The following RYR3 variants were observed in gnomAD, a reference collection of about 807,000 sequenced individuals.
RYR3 encodes the protein brain ryanodine receptor-calcium release channel.
RYR3 carries 207 observed loss-of-function variants against 584.3 expected under a neutral mutation model. The observed-to-expected ratio is 0.35, with a 90% CI of 0.32 to 0.40. The LOEUF (loss-of-function observed/expected upper bound fraction) is 0.40. Among genes scored for constraint, RYR3 ranks in the 10% least tolerant of loss-of-function variants. The pLI is 1.00. For synonymous variants in RYR3, 2,416 were observed against 2,248.5 expected, an observed-to-expected ratio of 1.07 and a Z score of -2.11; for missense variants, 5,616 against 6,089.2, an observed-to-expected ratio of 0.92 and a Z score of 2.59.
chr15:33,687,899 G>T (rs1055754100), intron 38 of RYR3, among the ~76,000 whole-genome samples: 56 of 152,088 alleles, frequency 3.7e-4, no homozygotes, highest in African/African-American at 1.3e-3. Flanking sequence ...TTACACCTTA[G>T]ACAAAAATCA....
intron 28 of RYR3, 82 bp downstream of exon 28, chr15:33,644,601 C>A: frequency 2.0e-6 from 2 of 1,022,424 alleles, no homozygotes; most frequent in Non-Finnish European, 3.0e-6. Flanking sequence ...TGTCAACAGG[C>A]AGCTGCTTAC....
At chr15:33,433,431 C>T (rs763246269) in intron 1 of RYR3, among the ~76,000 whole-genome samples, 13 of 151,902 alleles carry the variant, frequency 8.6e-5, no homozygotes, top group South Asian at 4.1e-4. Flanking sequence ...GTACATATTA[C>T]GTTCACTAAA....
intron 38 of RYR3, 146 bp from the exon 39 acceptor site, chr15:33,696,072 G>A (rs909703723): frequency 2.4e-5 from 16 of 659,096 alleles, no homozygotes; most frequent in Non-Finnish European, 3.5e-5. Flanking sequence ...TAGGATTATA[G>A]GCATGAGCCA....
chr15:33,597,635 T>A, intron 16 of RYR3, among the ~76,000 whole-genome samples: 1 of 138,312 alleles, frequency 7.2e-6, no homozygotes. Flanking sequence ...AAAAAAAAGA[T>A]TTTACTTAAG....
chr15:33,826,343 A>C, intron 83 of RYR3, 74 bp downstream of exon 83: 1 of 1,469,452 alleles, frequency 6.8e-7, no homozygotes, highest in East Asian at 2.3e-5. Flanking sequence ...GCCTCAGCAC[A>C]GAAACATTTT....
rs952801021 is a variant in RYR3, at chr15:33,411,866, G to T, written c.52-61553G>T. Reference sequence around the variant, plus strand: ...GCAAGCCTCAAGAAAATAGGGATAAGACTGTCAGACACTTGGCAAGGGTCT... The same window carrying T: ...GCAAGCCTCAAGAAAATAGGGATAATACTGTCAGACACTTGGCAAGGGTCT... On this transcript the variant is annotated intron_variant, in intron 1 of 103. Coordinates refer to ENST00000634891, the MANE Select transcript of RYR3 (RefSeq NM_001036.6). Among the ~76,000 whole-genome samples, 5 of 152,288 alleles carry T rather than the reference G, an allele frequency of 3.3e-5. No individual in the cohort carries two copies. In the East Asian group the frequency reaches 9.6e-4, roughly 29 times the overall value.
At chr15:33,503,222 T>G (rs560875303) in intron 2 of RYR3, among the ~76,000 whole-genome samples, 1 of 152,342 alleles carries the variant, frequency 6.6e-6, no homozygotes, top group South Asian at 2.1e-4. Context: ...CACTACTGTC[T>G]AGAGCCACAT....
intron 1 of RYR3, among the ~76,000 whole-genome samples, chr15:33,340,241 C>G (rs1971659166): frequency 6.6e-6 from 1 of 152,196 alleles, no homozygotes; most frequent in South Asian, 2.1e-4. Flanking sequence ...GTTAGGAGAA[C>G]TTACCTTTTG....
At chr15:33,316,016 A>G (rs1412543328) in intron 1 of RYR3, among the ~76,000 whole-genome samples, 1 of 152,222 alleles carries the variant, frequency 6.6e-6, no homozygotes, top group Non-Finnish European at 1.5e-5. Flanking sequence ...TAAGCAAGGA[A>G]TAATTATTAA....
At chr15:33,845,500 T>C (rs951112498) in intron 93 of RYR3, among the ~76,000 whole-genome samples, 3 of 152,198 alleles carry the variant, frequency 2.0e-5, no homozygotes, top group Admixed American at 2.0e-4. Flanking sequence ...GTAATCCATC[T>C]GCCTCGGCCT....
chr15:33,725,985 A>AGCC (rs1396102580), intron 45 of RYR3, among the ~76,000 whole-genome samples: 10 of 131,952 alleles, frequency 7.6e-5, no homozygotes, highest in Non-Finnish European at 1.6e-4. Context: ...CCAAAAAAAA[A>AGCC]AAAAAAAAAA....
chr15:33,604,955 T>C (rs1265984707), intron 18 of RYR3, among the ~76,000 whole-genome samples: 1 of 152,184 alleles, frequency 6.6e-6, no homozygotes, highest in Non-Finnish European at 1.5e-5. Flanking sequence ...TGTTTCACAC[T>C]CCTGCTGACT....
In RYR3 at chr15:33,517,980, A is replaced by G. The variant is rs543065512; in HGVS notation, c.280-12612A>G. 4.6e-5 allele frequency among the ~76,000 whole-genome samples: 7 copies of G among 152,288 alleles called. No individual in the cohort carries two copies. The South Asian group carries it at 1.4e-3, about 32-fold the overall frequency. Reference sequence around the variant, plus strand: ...TATGTTCTTTCCGTTCTCTGGTTTCATGGCACAATTTTCTAGGGTTTCTAA... The same window carrying G: ...TATGTTCTTTCCGTTCTCTGGTTTCGTGGCACAATTTTCTAGGGTTTCTAA... On this transcript the variant is annotated intron_variant, in intron 3 of 103. Coordinates refer to ENST00000634891, the MANE Select transcript of RYR3 (RefSeq NM_001036.6).
At chr15:33,826,444 G>A (rs149798490) in intron 83 of RYR3, among the ~76,000 whole-genome samples, 175 bp downstream of exon 83, 2,846 of 152,290 alleles carry the variant, frequency 0.019, 98 homozygotes, top group African/African-American at 0.066. Context: ...GTTATGGACC[G>A]TGAGCCATTT....
At chr15:33,637,451 G>T (rs1045746725) in intron 27 of RYR3, among the ~76,000 whole-genome samples, 4 of 152,234 alleles carry the variant, frequency 2.6e-5, no homozygotes, top group African/African-American at 9.6e-5. Context: ...ACGAGAAGGG[G>T]GCTGTGCTGG....
At chr15:33,817,561 T>C (rs1364193403) in intron 75 of RYR3, among the ~76,000 whole-genome samples, 1 of 152,226 alleles carries the variant, frequency 6.6e-6, no homozygotes, top group African/African-American at 2.4e-5. Flanking sequence ...AACCTTTTTC[T>C]CTTACCACTC....
chr15:33,722,599 A>C (rs892468962), intron 43 of RYR3, 116 bp from the exon 44 acceptor site: 2 of 1,040,310 alleles, frequency 1.9e-6, no homozygotes, highest in Non-Finnish European at 2.9e-6. Flanking sequence ...GGCCTAAACC[A>C]AAAACAGAGT....
Position 33,785,781 on chromosome 15 carries a change from G to A in RYR3, c.9388G>A (p.Val3130Ile), listed in dbSNP as rs745947433. The A allele has an allele frequency of 6.2e-7, 1 of 1,613,976 alleles. No individual in the cohort carries two copies. Among genetic ancestry groups the A allele is most frequent in the Admixed American group, 1.7e-5 (1 of 60,018 alleles). The change falls in exon 66 of 104, where the codon GTC becomes ATC. Residue 3130 changes from valine to isoleucine, a missense_variant. Coordinates refer to ENST00000634891, the MANE Select transcript of RYR3 (RefSeq NM_001036.6). ...SGARYTEMPHVIEVILPMLCN... is the reference protein window; with the variant it reads ...SGARYTEMPHIIEVILPMLCN... ...GGCCCGGTACACAGAGATGCCCCAT[G>A]TCATCGAGGTGATCTTACCCATGCT...
chr15:33,550,336 A>G lies in RYR3; in HGVS notation c.972+20A>G. On this transcript the variant is annotated intron_variant, in intron 10 of 103. Coordinates refer to ENST00000634891, the MANE Select transcript of RYR3 (RefSeq NM_001036.6). ...TCAAAGGTAAGGTGTGATAAAGTGG[A>G]CTTTGACCCTGTTCTAAAAGTGAAA... The G allele has an allele frequency of 1.2e-6, 2 of 1,603,734 alleles. No homozygotes were observed. The highest frequency in any genetic ancestry group is 1.7e-6 in the Non-Finnish European group (2 of 1,175,590).
Sources: gnomAD v4.1 joint callset for allele counts (sites outside exome capture counted in the v4.1 genomes callset) on GRCh38, gnomAD v4.1.1 for gene constraint, MANE v1.5 for transcripts, NCBI Gene and HGNC (gene_info 2026-07-23, HGNC 2026-07-21) for gene names.